The following ACTG2 variants were observed in gnomAD, a reference collection of about 807,000 sequenced individuals.
ACTG2 encodes actin, gamma-enteric smooth muscle.
A neutral mutation model predicts 37.6 loss-of-function variants in ACTG2; 16 were observed. That is an observed-to-expected ratio of 0.43 (90% CI 0.29 to 0.65). ACTG2 has a LOEUF of 0.65. Ranked by LOEUF, ACTG2 falls within the 30% of genes least tolerant of loss-of-function variation. The pLI is 0.18. For synonymous variants in ACTG2, 181 were observed against 179.9 expected, an observed-to-expected ratio of 1.01 and a Z score of -0.05; for missense variants, 238 against 490.9, an observed-to-expected ratio of 0.48 and a Z score of 4.87.
At chr2:73,897,807 C>G (rs1030499845) in intron 1 of ACTG2, among the ~76,000 whole-genome samples, 1 of 152,108 alleles carries the variant, frequency 6.6e-6, no homozygotes, top group African/African-American at 2.4e-5. Context: ...CAAGGTGGCA[C>G]CTTGTTGCTG....
Position 73,919,696 on chromosome 2 carries a change from C to A in ACTG2, c.*121C>A. 8.6e-7 allele frequency: 1 copy of A among 1,161,912 alleles called. No homozygotes were observed. Among genetic ancestry groups the A allele is most frequent in the Non-Finnish European group, 1.2e-6 (1 of 833,186 alleles). 72.0% of individuals were successfully genotyped at this position (1,161,912 alleles called of 1,614,324 possible). ...CTTTTTTCCTGGGCTATGTCTCATA[C>A]ACAGTGCTAAGGACTTTTCACACAT... On this transcript the variant is annotated 3_prime_UTR_variant, in exon 9 of 9. Coordinates refer to ENST00000345517, the MANE Select transcript of ACTG2 (RefSeq NM_001615.4).
rs1271123651 is a variant in ACTG2, at chr2:73,913,585, T to G, written c.552T>G (p.Arg184=). 6.2e-7 allele frequency: 1 copy of G among 1,613,882 alleles called. No homozygotes were observed. Among genetic ancestry groups the G allele is most frequent in the African/African-American group, 1.3e-5 (1 of 74,942 alleles). Residue 184 remains arginine, a synonymous_variant, in exon 6 of 9, where the codon CGT becomes CGG. Coordinates refer to ENST00000345517, the MANE Select transcript of ACTG2 (RefSeq NM_001615.4). ...TCATGCGCCTGGACTTGGCTGGCCG[T>G]GACCTCACGGACTACCTCATGAAGA... ...HAIMRLDLAG[R]DLTDYLMKIL...
intron 1 of ACTG2, among the ~76,000 whole-genome samples, chr2:73,896,073 C>T (rs1679741278): frequency 1.3e-5 from 2 of 152,162 alleles, no homozygotes; most frequent in Admixed American, 6.5e-5. Context: ...AGTGCTTGCA[C>T]CTGTAATCCC....
At chr2:73,910,337 A>T (rs1680102627) in intron 5 of ACTG2, among the ~76,000 whole-genome samples, 1 of 149,818 alleles carries the variant, frequency 6.7e-6, no homozygotes, top group Non-Finnish European at 1.5e-5. Flanking sequence ...TTTTGTAGTG[A>T]CAGTAATAGA....
intron 1 of ACTG2, among the ~76,000 whole-genome samples, chr2:73,899,376 C>T (rs2249442): frequency 0.77 from 116,613 of 151,932 alleles, 44,958 homozygotes; most frequent in Admixed American, 0.83. Context: ...GTGGGAGGAT[C>T]GCTTGGGCCT....
chr2:73,916,495 C>A lies in ACTG2; in HGVS notation c.806-89C>A, dbSNP rs1680270546. 20 of 1,236,440 alleles carry A rather than the reference C, an allele frequency of 1.6e-5. No individual in the cohort carries two copies. The South Asian group carries it at 2.8e-4, about 17-fold the overall frequency. The allele number at this position is 1,236,440 out of a possible 1,614,324, so 76.6% of individuals were successfully genotyped here. A position where few individuals can be genotyped will look rare whatever the true frequency, so the allele number is the denominator to read the frequency against. On this transcript the variant is annotated intron_variant, in intron 7 of 8. Transcript: ENST00000345517. Reference sequence around the variant, plus strand: ...TTAAGGTTCTGAACTAGGGTAGTTGCAACAATCGAAGAAGGGTCATTTGAG... The same window carrying A: ...TTAAGGTTCTGAACTAGGGTAGTTGAAACAATCGAAGAAGGGTCATTTGAG...
chr2:73,904,777 G>GTATATATATA (rs199782884), intron 3 of ACTG2, among the ~76,000 whole-genome samples: 67 of 42,574 alleles, frequency 1.6e-3, no homozygotes, highest in South Asian at 2.0e-3. Flanking sequence ...GTGTGTGTGT[G>GTATATATATA]TATATATATA....
chr2:73,919,643 T>A lies in ACTG2; in HGVS notation c.*68T>A. Reference sequence around the variant, plus strand: ...TTACCAGTCATGAAACATTAAAACCTACAAGCCTTACTTCTCTGTGTGGGG... The same window carrying A: ...TTACCAGTCATGAAACATTAAAACCAACAAGCCTTACTTCTCTGTGTGGGG... On this transcript the variant is annotated 3_prime_UTR_variant, in exon 9 of 9. Coordinates refer to ENST00000345517, the MANE Select transcript of ACTG2 (RefSeq NM_001615.4). The A allele has an allele frequency of 6.5e-7, 1 of 1,545,262 alleles. No homozygotes were observed. Among genetic ancestry groups the A allele is most frequent in the African/African-American group, 1.4e-5 (1 of 73,016 alleles).
At chr2:73,916,543 G>A (rs1328080505) in intron 7 of ACTG2, 41 bp from the exon 8 acceptor site, 3 of 1,574,292 alleles carry the variant, frequency 1.9e-6, no homozygotes, top group Middle Eastern at 1.8e-4. Flanking sequence ...TGCATATTTA[G>A]GAAGTGATGC....
intron 8 of ACTG2, among the ~76,000 whole-genome samples, chr2:73,916,975 TC>T (rs950491326): frequency 6.6e-6 from 1 of 152,076 alleles, no homozygotes; most frequent in African/African-American, 2.4e-5. Flanking sequence ...TCAAACATAA[TC>T]CCAGGAATGT....
At chr2:73,912,812 A>C (rs1680165839) in intron 5 of ACTG2, among the ~76,000 whole-genome samples, 1 of 152,200 alleles carries the variant, frequency 6.6e-6, no homozygotes, top group Non-Finnish European at 1.5e-5. Context: ...ATCCTGGACA[A>C]TATTAAAAAA....
At chr2:73,896,212 T>C (rs950139798) in intron 1 of ACTG2, among the ~76,000 whole-genome samples, 5 of 152,056 alleles carry the variant, frequency 3.3e-5, no homozygotes, top group African/African-American at 1.2e-4. Flanking sequence ...GTAGTGGCCA[T>C]GCCAGCCACA....
chr2:73,914,494 G>A (rs1680209875), intron 6 of ACTG2, among the ~76,000 whole-genome samples, 186 bp from the exon 7 acceptor site: 2 of 151,466 alleles, frequency 1.3e-5, no homozygotes. Context: ...AGGAGGTAGA[G>A]GTTGCAGTGA....
At chr2:73,895,151 G>A (rs1679717196) in intron 1 of ACTG2, among the ~76,000 whole-genome samples, 1 of 152,074 alleles carries the variant, frequency 6.6e-6, no homozygotes, top group Admixed American at 6.6e-5. Context: ...AGAGGCTGCT[G>A]ATGAGGAGAG....
At chr2:73,906,168 T>C (rs1028230683) in intron 3 of ACTG2, among the ~76,000 whole-genome samples, 1 of 152,000 alleles carries the variant, frequency 6.6e-6, no homozygotes, top group Non-Finnish European at 1.5e-5. Context: ...AAAAAAAATT[T>C]TGGCCGGGCG....
chr2:73,909,481 T>G (rs957760257), intron 5 of ACTG2, among the ~76,000 whole-genome samples: 1 of 152,200 alleles, frequency 6.6e-6, no homozygotes, highest in African/African-American at 2.4e-5. Flanking sequence ...ACACATTGCT[T>G]AATGACAGGG....
At chr2:73,900,778 C>T (rs931562718) in intron 1 of ACTG2, among the ~76,000 whole-genome samples, 4 of 152,308 alleles carry the variant, frequency 2.6e-5, no homozygotes, top group East Asian at 3.9e-4. Flanking sequence ...CTCCCAGTTC[C>T]TTTCCACACT....
intron 2 of ACTG2, among the ~76,000 whole-genome samples, chr2:73,902,018 C>CGTGT (rs71245662): frequency 0.029 from 4,228 of 146,366 alleles, 180 homozygotes; most frequent in African/African-American, 0.092. Context: ...GCATACAAGT[C>CGTGT]GTGTGTGTGT....
intron 1 of ACTG2, among the ~76,000 whole-genome samples, chr2:73,893,677 G>A (rs1679679412): frequency 6.6e-6 from 1 of 152,142 alleles, no homozygotes; most frequent in Non-Finnish European, 1.5e-5. Flanking sequence ...CAGGGTAGAA[G>A]GAACTTGGGA....
Sources: allele counts gnomAD v4.1 joint callset (sites outside exome capture counted in the v4.1 genomes callset), GRCh38; gene constraint gnomAD v4.1.1; transcripts MANE v1.5; gene names NCBI Gene and HGNC (gene_info 2026-07-23, HGNC 2026-07-21).